WASHC2A: variants seen among roughly 807,000 people sequenced by gnomAD.
WASHC2A encodes the protein WASH complex subunit FAM21A.
WASHC2A carries 82 observed loss-of-function variants against 140.3 expected under a neutral mutation model. The observed-to-expected ratio is 0.58, with a 90% CI of 0.49 to 0.70. The LOEUF is 0.70. Among genes scored for constraint, WASHC2A ranks in the 30% least tolerant of loss-of-function variants. WASHC2A has a pLI of 0.00. For synonymous variants in WASHC2A, 340 were observed against 560.8 expected (o/e 0.61, Z 5.56); for missense variants, 985 against 1,521.8 (o/e 0.65, Z 5.87).
chr10:50,092,828 A>C (rs1392811934), intron 11 of WASHC2A, among the ~76,000 whole-genome samples: 1 of 152,176 alleles, frequency 6.6e-6, no homozygotes, highest in Non-Finnish European at 1.5e-5. Flanking sequence ...ATTTGTTTTC[A>C]ATAAAGGATA....
Position 50,130,955 on chromosome 10 carries a change from G to A in WASHC2A, c.3763G>A (p.Glu1255Lys). The change falls in exon 30 of 31, where the codon GAG becomes AAG. Residue 1255 changes from glutamate to lysine, a missense_variant. Coordinates refer to ENST00000282633, the MANE Select transcript of WASHC2A (RefSeq NM_001005751.3). Reference protein sequence around the residue: ...IKPSQKTREKEKTLESNLFDD... With the variant: ...IKPSQKTREKKKTLESNLFDD... ...ACCCTCTCAGAAAACCAGAGAGAAGGAGAAAACATTGGAATCTAATTTATT... is the reference window on the plus strand; with the variant it reads ...ACCCTCTCAGAAAACCAGAGAGAAGAAGAAAACATTGGAATCTAATTTATT... 3 of 1,610,510 alleles carry A rather than the reference G, an allele frequency of 1.9e-6. No individual in the cohort carries two copies. Among genetic ancestry groups the A allele is most frequent in the South Asian group, 1.1e-5 (1 of 90,718 alleles).
rs1246391697 is a variant in WASHC2A, at chr10:50,112,216, T to C, written c.2040-1679T>C. The C allele has an allele frequency of 3.1e-6, 3 of 976,650 alleles. No homozygotes were observed. In the African/African-American group the frequency reaches 5.5e-5, roughly 18 times the overall value. The allele number at this position is 976,650 out of a possible 1,614,324, so 60.5% of individuals were successfully genotyped here. A position where few individuals can be genotyped will look rare whatever the true frequency, so the allele number is the denominator to read the frequency against. On this transcript the variant is annotated intron_variant, in intron 20 of 30. Coordinates refer to ENST00000282633, the MANE Select transcript of WASHC2A (RefSeq NM_001005751.3). ...ACACAAGGTCATAAATCTGGCAGTC[T>C]GAACCCCATCTTGTTTGTGGGTCCT... is the stretch of plus-strand genomic sequence containing the variant.
chr10:50,087,608 C>G (rs1839498763), intron 8 of WASHC2A, among the ~76,000 whole-genome samples: 3 of 152,028 alleles, frequency 2.0e-5, no homozygotes, highest in Non-Finnish European at 4.4e-5. Context: ...CCAAACTGAA[C>G]TACTTTGCAT....
chr10:50,090,538 TTATATATA>T (rs1287651401), intron 8 of WASHC2A, among the ~76,000 whole-genome samples: 1 of 85,530 alleles, frequency 1.2e-5, no homozygotes, highest in Non-Finnish European at 3.2e-5. Context: ...ATATTTATAT[TTATATATA>T]TATATTTATA....
rs1235256868 is a variant in WASHC2A, at chr10:50,110,311, T to C, written c.2039+41T>C. ...GAAGGAGTCCCTCACTCCGTTACCG[T>C]GGTAACAAGAAAAGGAATCTGATGC... On this transcript the variant is annotated intron_variant, in intron 20 of 30. Transcript: ENST00000282633. 20 of 1,606,498 alleles carry C rather than the reference T, an allele frequency of 1.2e-5. No homozygotes were observed. In the East Asian group the frequency reaches 4.2e-4, roughly 34 times the overall value.
rs1267703666 is a variant in WASHC2A, at chr10:50,068,020, G to A, written c.3+12G>A. The A allele has an allele frequency of 5.0e-6, 8 of 1,607,808 alleles. No individual in the cohort carries two copies. The East Asian group carries it at 8.9e-5, about 18-fold the overall frequency. ...GGGCGGCTAGGATGGTGAGGGCGCC[G>A]GGCAGGAGAGAGGCCGGCCTGGGCT... On this transcript the variant is annotated intron_variant, in intron 1 of 30. Coordinates refer to ENST00000282633, the MANE Select transcript of WASHC2A (RefSeq NM_001005751.3).
intron 10 of WASHC2A, 36 bp downstream of exon 10, chr10:50,091,554 G>T (rs1839929931): frequency 1.3e-6 from 2 of 1,549,346 alleles, no homozygotes; most frequent in African/African-American, 1.4e-5. Flanking sequence ...AGTAGGGGGG[G>T]AGTAGTGCAG....
intron 17 of WASHC2A, among the ~76,000 whole-genome samples, chr10:50,101,376 AAT>A (rs1841150298): frequency 6.6e-6 from 1 of 152,310 alleles, no homozygotes; most frequent in African/African-American, 2.4e-5. Context: ...TCCCTGATGA[AAT>A]ACACACAGCA....
chr10:50,125,511 C>G (rs1354394041), intron 25 of WASHC2A, 62 bp downstream of exon 25: 1 of 1,610,848 alleles, frequency 6.2e-7, no homozygotes. Context: ...AGGAAACTAA[C>G]GTCCAGTTAG....
Position 50,131,045 on chromosome 10 carries a change from G to A in WASHC2A, c.3853G>A (p.Val1285Met), listed in dbSNP as rs1427726813. The A allele has an allele frequency of 0.011, 18,029 of 1,611,382 alleles. 134 individuals are homozygous for A. Among genetic ancestry groups the A allele is most frequent in the Non-Finnish European group, 0.013 (15,742 of 1,179,574 alleles). ...VKPKEKSKKKVEAKSIFDDDM... is the reference protein window; with the variant it reads ...VKPKEKSKKKMEAKSIFDDDM... ...ACCAAAAGAAAAGTCCAAAAAGAAA[G>A]TGGAAGCCAAGTCTATATTTGATGA... The change falls in exon 30 of 31, where the codon GTG becomes ATG. Residue 1285 changes from valine (V) to methionine (M), a missense_variant. Transcript: ENST00000282633.
intron 30 of WASHC2A, among the ~76,000 whole-genome samples, chr10:50,132,424 G>T (rs1475051870): frequency 1.3e-5 from 2 of 152,222 alleles, no homozygotes; most frequent in African/African-American, 4.8e-5. Context: ...TCCTATGTTG[G>T]ATTTCCCTTT....
At chr10:50,094,388 T>TA (rs1258156526) in intron 13 of WASHC2A, among the ~76,000 whole-genome samples, 1 of 146,970 alleles carries the variant, frequency 6.8e-6, no homozygotes, top group Non-Finnish European at 1.5e-5. Flanking sequence ...AGGCTGGTCT[T>TA]AAACTCCTAT....
chr10:50,125,885 C>T (rs1281433391), intron 25 of WASHC2A, among the ~76,000 whole-genome samples, 172 bp from the exon 26 acceptor site: 1 of 152,118 alleles, frequency 6.6e-6, no homozygotes, highest in Non-Finnish European at 1.5e-5. Flanking sequence ...ACTCCTGTGA[C>T]AGCCACAGTC....
chr10:50,070,931 C>T lies in WASHC2A; in HGVS notation c.291+1220C>T, dbSNP rs531352825. Reference sequence around the variant, plus strand: ...CTGTAATCCCAGCTACTTGGGAAGGCTGAGGCAGGAGAATCGCTTGAACCT... The same window carrying T: ...CTGTAATCCCAGCTACTTGGGAAGGTTGAGGCAGGAGAATCGCTTGAACCT... On this transcript the variant is annotated intron_variant, in intron 3 of 30. Coordinates refer to ENST00000282633, the MANE Select transcript of WASHC2A (RefSeq NM_001005751.3). 6.8e-3 allele frequency among the ~76,000 whole-genome samples: 559 copies of T among 82,190 alleles called. 11 individuals carry two copies. The highest frequency in any genetic ancestry group is 0.011 in the Non-Finnish European group (420 of 39,370). The allele number at this position is 82,190 out of a possible 152,430, so 53.9% of individuals were successfully genotyped here.
At chr10:50,102,584 G>GA (rs1841311197) in intron 17 of WASHC2A, among the ~76,000 whole-genome samples, 1 of 151,240 alleles carries the variant, frequency 6.6e-6, no homozygotes, top group Non-Finnish European at 1.5e-5. Context: ...GGAGCACAGG[G>GA]GAAAAACACT....
intron 13 of WASHC2A, 88 bp downstream of exon 13, chr10:50,094,005 G>T (rs1840184055): frequency 1.2e-6 from 2 of 1,604,504 alleles, no homozygotes; most frequent in African/African-American, 2.7e-5. Flanking sequence ...TTGTTCCCAA[G>T]CCTTGTTTCT....
intron 28 of WASHC2A, 111 bp downstream of exon 28, chr10:50,127,906 G>A (rs1279390372): frequency 1.6e-5 from 24 of 1,506,672 alleles, no homozygotes; most frequent in Non-Finnish European, 2.2e-5. Flanking sequence ...TCCTTTTGAA[G>A]GAGGTGCCTC....
At chr10:50,121,331 A>G (rs1263585194) in intron 23 of WASHC2A, among the ~76,000 whole-genome samples, 10 of 149,906 alleles carry the variant, frequency 6.7e-5, no homozygotes, top group African/African-American at 7.6e-5. Flanking sequence ...GTGAAAACCA[A>G]TTGTAGTTCT....
In WASHC2A at chr10:50,093,320, G is replaced by C. The variant is rs1306943606; in HGVS notation, c.1056G>C (p.Ser352=). The C allele has an allele frequency of 6.8e-7, 1 of 1,462,290 alleles. No individual in the cohort carries two copies. The highest frequency in any genetic ancestry group is 2.2e-5 in the East Asian group (1 of 44,640). 90.6% of individuals were successfully genotyped at this position (1,462,290 alleles called of 1,614,324 possible). Residue 352 remains serine (S), a synonymous_variant, in exon 12 of 31, where the codon TCG becomes TCC. Coordinates refer to ENST00000282633, the MANE Select transcript of WASHC2A (RefSeq NM_001005751.3). The stretch of plus-strand genomic sequence containing the variant: ...CCAAGCTGACCGACGAGGACTTCTC[G>C]CCATTTGGCTCTGGAGGTGGCCTGT... ...APPKLTDEDF[S]PFGSGGGLFS...
Sources: allele counts gnomAD v4.1 joint callset (sites outside exome capture counted in the v4.1 genomes callset), GRCh38; gene constraint gnomAD v4.1.1; transcripts MANE v1.5; gene names NCBI Gene and HGNC (gene_info 2026-07-23, HGNC 2026-07-21).